The following ATG16L2 variants were observed in gnomAD, a reference collection of about 807,000 sequenced individuals.
ATG16L2 encodes protein Atg16l2.
Under a neutral mutation model 84.7 loss-of-function variants are expected in ATG16L2, and 77 were observed. That is an observed-to-expected ratio of 0.91 (90% CI 0.76 to 1.10). The LOEUF (loss-of-function observed/expected upper bound fraction) is 1.10. Ranked by LOEUF, ATG16L2 falls within the 50% of genes least tolerant of loss-of-function variation. The pLI, the probability that ATG16L2 is intolerant of heterozygous loss-of-function variation, is 0.00. For missense variants in ATG16L2, 782 were observed against 817.6 expected, an observed-to-expected ratio of 0.96 and a Z score of 0.53; for synonymous variants, 361 against 342.8, an observed-to-expected ratio of 1.05 and a Z score of -0.59.
intron 9 of ATG16L2, 120 bp from the exon 10 acceptor site, chr11:72,825,182 G>A (rs556681352): frequency 4.0e-6 from 3 of 745,002 alleles, no homozygotes; most frequent in East Asian, 2.7e-5. Flanking sequence ...AGAAACTGGG[G>A]AGGGAGATAC....
Position 72,828,847 on chromosome 11 carries a change from AC to A in ATG16L2, c.1671-30del. ...GACCCTGTGTGTGCCCTCCCCTCTG[AC>A]CCCCCGTTTTCTTGCTCTGCTGTGG... is the stretch of plus-strand genomic sequence containing the variant. On this transcript the variant is annotated intron_variant, in intron 16 of 17. Coordinates refer to ENST00000321297, the MANE Select transcript of ATG16L2 (RefSeq NM_033388.2). 3 of 1,613,266 alleles carry A rather than the reference AC, an allele frequency of 1.9e-6. No individual in the cohort carries two copies. In the South Asian group the frequency reaches 3.3e-5, roughly 18 times the overall value.
intron 5 of ATG16L2, among the ~76,000 whole-genome samples, chr11:72,834,772 CG>C (rs909350569): frequency 3.3e-5 from 5 of 152,120 alleles, no homozygotes; most frequent in African/African-American, 1.2e-4. Flanking sequence ...TAGTAAGAGA[CG>C]GGGTTTCCAT....
rs144001366 is a variant in ATG16L2 at position 72,836,507 on chromosome 11, T to TC, written c.*22-6107dup. Among the ~76,000 whole-genome samples the TC allele has an allele frequency of 9.5e-3, 1,447 of 152,222 alleles. 24 individuals carry two copies. The highest frequency in any genetic ancestry group is 0.032 in the African/African-American group (1,323 of 41,514). On this transcript the variant is annotated intron_variant, in intron 5 of 5. Transcript: ENST00000534905. ...ACTGTCCTCACGTATTTCTTTTTTT[T>TC]CCCATGGGAAAAGCAAAGACCGTAA... is the stretch of plus-strand genomic sequence containing the variant.
chr11:72,823,412 CA>C, intron 7 of ATG16L2: 2 of 350,660 alleles, frequency 5.7e-6, no homozygotes, highest in South Asian at 2.2e-5. Context: ...TGTGTGCTCA[CA>C]CTTGTGGGAC....
downstream of ATG16L2, chr11:72,829,689 T>A: frequency 9.2e-7 from 1 of 1,088,440 alleles, no homozygotes; most frequent in South Asian, 3.1e-5. Flanking sequence ...TTTGGGCTAG[T>A]GGGCTCTGGA....
In ATG16L2 at chr11:72,822,529, C is replaced by T. The variant is rs775135083; in HGVS notation, c.696C>T (p.Thr232=). Reference sequence around the variant, plus strand: ...AGCTGAAGAAGGCTGCCAAGCGGACCGTGAGCATCAGCGAGTAAGAGTGGG... The same window carrying T: ...AGCTGAAGAAGGCTGCCAAGCGGACTGTGAGCATCAGCGAGTAAGAGTGGG... ...SQELKKAAKR[T]VSISEGPDTL... Residue 232 remains threonine, a synonymous_variant, in exon 6 of 18, where the codon ACC becomes ACT. Coordinates refer to ENST00000321297, the MANE Select transcript of ATG16L2 (RefSeq NM_033388.2). The surrounding 1 kb of genome is among the most constrained non-coding windows in gnomAD (Gnocchi z 4.2). 25 of 1,612,632 alleles carry T rather than the reference C, an allele frequency of 1.6e-5. No homozygotes were observed. In the Admixed American group the frequency reaches 4.0e-4, roughly 26 times the overall value.
chr11:72,821,856 A>T (rs1860014146), intron 4 of ATG16L2, 115 bp downstream of exon 4: 1 of 1,443,682 alleles, frequency 6.9e-7, no homozygotes, highest in Admixed American at 2.3e-5. Context: ...CGTCCCCCCG[A>T]CCCCATCGGT....
In ATG16L2 at chr11:72,841,666, T is replaced by C. The variant is rs562856542; in HGVS notation, c.*22-951T>C. The C allele has an allele frequency of 2.3e-4, 314 of 1,364,838 alleles. 2 individuals carry two copies. In the African/African-American group the frequency reaches 4.0e-3, roughly 17 times the overall value. 84.5% of individuals were successfully genotyped at this position (1,364,838 alleles called of 1,614,324 possible). A position where few individuals can be genotyped will look rare whatever the true frequency, so the allele number is the denominator to read the frequency against. On this transcript the variant is annotated intron_variant, in intron 5 of 5. Transcript: ENST00000534905. The stretch of plus-strand genomic sequence containing the variant: ...TGCTTCTCTGACTGCTCTGTACTCA[T>C]GCCTTTTCTCTAAAGCTAAGCTGAT...
intron 13 of ATG16L2, 33 bp from the exon 14 acceptor site, chr11:72,827,155 C>T (rs770661763): frequency 9.5e-6 from 15 of 1,571,502 alleles, no homozygotes; most frequent in East Asian, 6.7e-5. Context: ...CAACCCTCCT[C>T]TGAGGCCCTG....
chr11:72,816,943 A>AGGGGTGGTGGGGGTGGTGGAGGTGGTG (rs1859731633), intron 2 of ATG16L2, 116 bp downstream of exon 2: 1 of 312,318 alleles, frequency 3.2e-6, no homozygotes, highest in Non-Finnish European at 6.3e-6. Context: ...GCTGCTGCCC[A>AGGGGTGGTGGGGGTGGTGGAGGTGGTG]GGGGTGGTGG....
chr11:72,841,623 C>T (rs1292356021), intron 5 of ATG16L2: 1 of 1,545,434 alleles, frequency 6.5e-7, no homozygotes, highest in Non-Finnish European at 8.7e-7. Context: ...TGCTCCCCTC[C>T]AGGAAGGAGA....
chr11:72,835,200 G>A (rs1159732541), intron 5 of ATG16L2, among the ~76,000 whole-genome samples: 1 of 152,228 alleles, frequency 6.6e-6, no homozygotes, highest in Non-Finnish European at 1.5e-5. Context: ...GCTTTCACTG[G>A]CAGGGAAGTC....
chr11:72,826,455 T>G, intron 11 of ATG16L2, 63 bp from the exon 12 acceptor site: 1 of 1,600,830 alleles, frequency 6.2e-7, no homozygotes, highest in East Asian at 2.2e-5. Context: ...CTAGCCTCAT[T>G]CTGTGGCCCG....
chr11:72,842,666 A>C (rs927172693), exon 6 of ATG16L2: 1 of 1,613,888 alleles, frequency 6.2e-7, no homozygotes, highest in African/African-American at 1.3e-5. Context: ...CTGAGGCTGA[A>C]AGTTCTTCCA....
intron 7 of ATG16L2, 65 bp from the exon 8 acceptor site, chr11:72,823,995 G>A: frequency 6.4e-7 from 1 of 1,573,894 alleles, no homozygotes; most frequent in African/African-American, 1.3e-5. Flanking sequence ...GTGTGGAGAT[G>A]ATGGACAGCC....
chr11:72,828,540 C>T, intron 15 of ATG16L2, 32 bp downstream of exon 15: 1 of 1,613,612 alleles, frequency 6.2e-7, no homozygotes. Context: ...ACCCTGTGGC[C>T]TTTGCTGGGA....
intron 1 of ATG16L2, among the ~76,000 whole-genome samples, chr11:72,815,568 C>A (rs61348171): frequency 7.0e-6 from 1 of 143,564 alleles, no homozygotes; most frequent in Non-Finnish European, 1.5e-5. Context: ...ATCTGGAGGG[C>A]TGAAATCAGA....
rs1860070372 is a variant in ATG16L2, at chr11:72,822,473, A to G, written c.645-5A>G. On this transcript the variant is annotated splice_region_variant and splice_polypyrimidine_tract_variant and intron_variant, in intron 5 of 17. Coordinates refer to ENST00000321297, the MANE Select transcript of ATG16L2 (RefSeq NM_033388.2). The surrounding 1 kb of genome is among the most constrained non-coding windows in gnomAD (Gnocchi z 4.2). ...AGGGTCTCAGGATGCTTTTTACCCAACAAGGGCCAAGCAGGCGCGGGTGTC... is the reference window on the plus strand; with the variant it reads ...AGGGTCTCAGGATGCTTTTTACCCAGCAAGGGCCAAGCAGGCGCGGGTGTC... 1 of 1,612,968 alleles carries G rather than the reference A, an allele frequency of 6.2e-7. No individual in the cohort carries two copies. Among genetic ancestry groups the G allele is most frequent in the Non-Finnish European group, 8.5e-7 (1 of 1,179,490 alleles).
At chr11:72,824,603 C>T (rs963861642) in intron 8 of ATG16L2, 131 bp from the exon 9 acceptor site, 1 of 721,914 alleles carries the variant, frequency 1.4e-6, no homozygotes, top group African/African-American at 1.8e-5. Flanking sequence ...AATGCTCTCG[C>T]TGCTCCTTGG....
Sources: allele counts gnomAD v4.1 joint callset (sites outside exome capture counted in the v4.1 genomes callset), GRCh38; gene constraint gnomAD v4.1.1; non-coding constraint Gnocchi (gnomAD v3.1); transcripts MANE v1.5; gene names NCBI Gene and HGNC (gene_info 2026-07-23, HGNC 2026-07-21).